The following SYT9 variants were observed in gnomAD, a reference collection of about 807,000 sequenced individuals.
SYT9 encodes synaptotagmin-9.
A neutral mutation model predicts 48.4 loss-of-function variants in SYT9; 22 were observed. The ratio of observed to expected loss-of-function variants is 0.45; its 90% confidence interval spans 0.32 to 0.65. The LOEUF is 0.65. Among genes scored for constraint, SYT9 ranks in the 30% least tolerant of loss-of-function variants. The pLI, the probability that SYT9 is intolerant of heterozygous loss-of-function variation, is 0.03. For missense variants in SYT9, 577 were observed against 622.0 expected, an observed-to-expected ratio of 0.93 and a Z score of 0.77; for synonymous variants, 265 against 245.0, an observed-to-expected ratio of 1.08 and a Z score of -0.76.
chr11:7,343,629 C>T (rs780313146), intron 3 of SYT9, among the ~76,000 whole-genome samples: 2 of 152,178 alleles, frequency 1.3e-5, no homozygotes, highest in Non-Finnish European at 2.9e-5. Context: ...CTTCTTTGAG[C>T]CCTCCAAACT....
At chr11:7,425,310 C>T (rs1170252854) in intron 6 of SYT9, among the ~76,000 whole-genome samples, 1 of 152,158 alleles carries the variant, frequency 6.6e-6, no homozygotes, top group African/African-American at 2.4e-5. Flanking sequence ...ACATGAATGA[C>T]TGTTTCCCAA....
At chr11:7,410,829 A>C (rs1847123568) in intron 3 of SYT9, among the ~76,000 whole-genome samples, 1 of 152,228 alleles carries the variant, frequency 6.6e-6, no homozygotes, top group African/African-American at 2.4e-5. Context: ...TAAGCAGATT[A>C]TTTAATCTAT....
chr11:7,455,139 A>C (rs781781745), intron 6 of SYT9, among the ~76,000 whole-genome samples: 2 of 152,020 alleles, frequency 1.3e-5, no homozygotes, highest in Admixed American at 6.6e-5. Flanking sequence ...GATAAAAGAA[A>C]GTTTCTTATC....
At chr11:7,426,904 T>C (rs1360784144) in intron 6 of SYT9, among the ~76,000 whole-genome samples, 3 of 152,204 alleles carry the variant, frequency 2.0e-5, no homozygotes, top group Admixed American at 6.5e-5. Flanking sequence ...TAAAGTTGCA[T>C]GGTCATTTCT....
intron 1 of SYT9, among the ~76,000 whole-genome samples, chr11:7,267,819 T>TA (rs1211846850): frequency 6.6e-6 from 1 of 151,386 alleles, no homozygotes; most frequent in African/African-American, 2.4e-5. Flanking sequence ...CTTTCTGAAA[T>TA]AAAAAATAAA....
rs1266903137 is a variant in SYT9 at position 7,407,631 on chromosome 11, C to T, written c.1045-8411C>T. Among the ~76,000 whole-genome samples the T allele has an allele frequency of 1.3e-4, 7 of 52,328 alleles. 1 individual carries two copies. Among genetic ancestry groups the T allele is most frequent in the Non-Finnish European group, 2.6e-4 (7 of 26,864 alleles). 34.3% of individuals were successfully genotyped at this position (52,328 alleles called of 152,430 possible). On this transcript the variant is annotated intron_variant, in intron 3 of 6. Coordinates refer to ENST00000318881, the MANE Select transcript of SYT9 (RefSeq NM_175733.4). Reference sequence around the variant, plus strand: ...TCCTGACCTCATGATCCACCCGCCTCGGCCTCCCAAAGTGCTGGGATTACA... The same window carrying T: ...TCCTGACCTCATGATCCACCCGCCTTGGCCTCCCAAAGTGCTGGGATTACA...
At chr11:7,262,891 G>A (rs1848105754) in intron 1 of SYT9, among the ~76,000 whole-genome samples, 1 of 152,136 alleles carries the variant, frequency 6.6e-6, no homozygotes, top group Non-Finnish European at 1.5e-5. Flanking sequence ...CATAGTAGTT[G>A]CTAGTGAGGG....
chr11:7,426,804 C>T lies in SYT9; in HGVS notation c.1467+6169C>T, dbSNP rs367628960. ...GCATGATTTCCCTCTACCTATGACT[C>T]ACGCTCAGACCTCCAAGGTTTCCTC... On this transcript the variant is annotated intron_variant, in intron 6 of 6. Transcript: ENST00000318881. 2.0e-4 allele frequency among the ~76,000 whole-genome samples: 30 copies of T among 152,266 alleles called. No homozygotes were observed. The South Asian group carries it at 6.0e-3, about 30-fold the overall frequency.
chr11:7,438,763 G>C (rs540150165), intron 6 of SYT9: 1 of 152,108 alleles, frequency 6.6e-6, no homozygotes, highest in African/African-American at 2.4e-5. Flanking sequence ...GTGCTCTGCT[G>C]TGCACATTGA....
At chr11:7,320,499 G>T (rs1334692133) in intron 3 of SYT9, among the ~76,000 whole-genome samples, 1 of 152,110 alleles carries the variant, frequency 6.6e-6, no homozygotes, top group African/African-American at 2.4e-5. Flanking sequence ...CATTTGGTTT[G>T]CTTCCTGCTG....
In SYT9 at chr11:7,356,539, T is replaced by G. The variant is rs957614288; in HGVS notation, c.1044+42598T>G. 2.0e-5 allele frequency among the ~76,000 whole-genome samples: 3 copies of G among 152,210 alleles called. No individual in the cohort carries two copies. The East Asian group carries it at 5.8e-4, about 29-fold the overall frequency. On this transcript the variant is annotated intron_variant, in intron 3 of 6. Transcript: ENST00000318881. ...GAAGAAGGAGGAGAAGACACCCTGC[T>G]GCACATTACTTTTCTGTACTCCACT...
At chr11:7,431,527 G>C (rs1847570209) in intron 6 of SYT9, among the ~76,000 whole-genome samples, 1 of 152,248 alleles carries the variant, frequency 6.6e-6, no homozygotes, top group Non-Finnish European at 1.5e-5. Context: ...ATAACTAAAA[G>C]GGAGCCAGGT....
intron 3 of SYT9, among the ~76,000 whole-genome samples, chr11:7,379,131 T>C (rs1203836068): frequency 1.3e-5 from 2 of 152,200 alleles, no homozygotes; most frequent in Non-Finnish European, 2.9e-5. Context: ...TCAAATTAAA[T>C]GCTAAAGCCT....
chr11:7,307,705 G>A (rs975939379), intron 2 of SYT9, among the ~76,000 whole-genome samples: 23 of 152,316 alleles, frequency 1.5e-4, no homozygotes, highest in African/African-American at 5.5e-4. Flanking sequence ...ATGGGACAGT[G>A]GTGAAGATTG....
Position 7,420,610 on chromosome 11 carries a change from T to A in SYT9, c.1442T>A (p.Ile481Asn). 6.2e-7 allele frequency: 1 copy of A among 1,614,182 alleles called. No homozygotes were observed. Among genetic ancestry groups the A allele is most frequent in the Non-Finnish European group, 8.5e-7 (1 of 1,180,016 alleles). Residue 481 changes from isoleucine to asparagine, a missense_variant, in exon 6 of 7, where the codon ATT becomes AAT. Ile to Asn is a moderately radical substitution (Grantham distance 149). Coordinates refer to ENST00000318881, the MANE Select transcript of SYT9 (RefSeq NM_175733.4). Reference sequence around the variant, plus strand: ...ATGTTGTCATATCCTCGGAAGCCCATTGCACACTGGCATTCCCTGGTGGAG... The same window carrying A: ...ATGTTGTCATATCCTCGGAAGCCCAATGCACACTGGCATTCCCTGGTGGAG... ...SEMLSYPRKPIAHWHSLVEKR is the reference protein window; with the variant it reads ...SEMLSYPRKPNAHWHSLVEKR
chr11:7,395,345 A>C (rs187813909), intron 3 of SYT9, among the ~76,000 whole-genome samples: 26 of 152,202 alleles, frequency 1.7e-4, no homozygotes, highest in Admixed American at 1.6e-3. Context: ...AGTATTCTTA[A>C]AATGTCTGTT....
At chr11:7,291,677 T>G (rs894426621) in intron 1 of SYT9, among the ~76,000 whole-genome samples, 1 of 146,602 alleles carries the variant, frequency 6.8e-6, no homozygotes, top group Non-Finnish European at 1.5e-5. Context: ...CTTGCTCAAC[T>G]GCTGTGCTCT....
At chr11:7,360,795 G>A (rs1850120134) in intron 3 of SYT9, among the ~76,000 whole-genome samples, 1 of 152,040 alleles carries the variant, frequency 6.6e-6, no homozygotes, top group Admixed American at 6.6e-5. Flanking sequence ...CTTTCCTCTG[G>A]AAAATTTGTA....
At chr11:7,399,228 A>T (rs1293184476) in intron 3 of SYT9, among the ~76,000 whole-genome samples, 1 of 152,188 alleles carries the variant, frequency 6.6e-6, no homozygotes, top group Non-Finnish European at 1.5e-5. Context: ...AATGAACACC[A>T]TATATGACCT....
Sources: gnomAD v4.1 joint callset for allele counts (sites outside exome capture counted in the v4.1 genomes callset) on GRCh38, gnomAD v4.1.1 for gene constraint, MANE v1.5 for transcripts, NCBI Gene and HGNC (gene_info 2026-07-23, HGNC 2026-07-21) for gene names.